TAS2R1: variants seen among roughly 807,000 people sequenced by gnomAD.
TAS2R1 encodes the protein taste 2 receptor member 1, also known as taste receptor type 2 member 1.
For missense variants in TAS2R1, 370 were observed against 353.4 expected, an observed-to-expected ratio of 1.05 and a Z score of -0.38; for synonymous variants, 141 against 134.2, an observed-to-expected ratio of 1.05 and a Z score of -0.35.
intron 1 of TAS2R1, among the ~76,000 whole-genome samples, chr5:9,680,289 G>C (rs1373825042): frequency 6.6e-6 from 1 of 152,182 alleles, no homozygotes; most frequent in Non-Finnish European, 1.5e-5. Flanking sequence ...GGGGAGAAGA[G>C]ACAGTCTTAC....
chr5:9,688,886 G>C (rs1741178938), intron 1 of TAS2R1, among the ~76,000 whole-genome samples: 1 of 152,150 alleles, frequency 6.6e-6, no homozygotes, highest in African/African-American at 2.4e-5. Flanking sequence ...AACCCCTCCT[G>C]TGTTCACAGC....
At chr5:9,737,831 T>C in the TAS2R1 span, among the ~76,000 whole-genome samples, 14 of 152,206 alleles carry the variant, frequency 9.2e-5, no homozygotes, top group African/African-American at 1.9e-4. Flanking sequence ...CTTACTTCTT[T>C]ACCAGCAAAA....
chr5:9,898,468 C>G, the TAS2R1 span, among the ~76,000 whole-genome samples: 1 of 152,202 alleles, frequency 6.6e-6, no homozygotes, highest in African/African-American at 2.4e-5. Flanking sequence ...TCCTGCTGGC[C>G]TCTAGTTATG....
At chr5:9,788,565 A>G in the TAS2R1 span, among the ~76,000 whole-genome samples, 1 of 152,210 alleles carries the variant, frequency 6.6e-6, no homozygotes, top group East Asian at 1.9e-4. Flanking sequence ...TGAGAGTAGA[A>G]GCATTTCTAC....
chr5:9,699,320 C>A (rs896495977), intron 1 of TAS2R1, among the ~76,000 whole-genome samples: 24 of 152,170 alleles, frequency 1.6e-4, no homozygotes, highest in African/African-American at 5.5e-4. Flanking sequence ...TGAGCATTCG[C>A]GAATTGAATC....
the TAS2R1 span, among the ~76,000 whole-genome samples, chr5:9,746,820 G>T: frequency 6.6e-6 from 1 of 152,062 alleles, no homozygotes; most frequent in African/African-American, 2.4e-5. Flanking sequence ...AATGTATGTG[G>T]GGCTTAAAAC....
intron 2 of TAS2R1, among the ~76,000 whole-genome samples, chr5:9,653,896 A>G (rs533817128): frequency 6.6e-6 from 1 of 152,248 alleles, no homozygotes; most frequent in Admixed American, 6.5e-5. Flanking sequence ...GTTACAAGTG[A>G]TTTCTGTGTC....
At chr5:9,763,297 G>A in the TAS2R1 span, among the ~76,000 whole-genome samples, 1 of 152,182 alleles carries the variant, frequency 6.6e-6, no homozygotes, top group Non-Finnish European at 1.5e-5. Flanking sequence ...AAGGTCAAGA[G>A]ATCGAGACCA....
At chr5:9,866,675 T>C in the TAS2R1 span, among the ~76,000 whole-genome samples, 1 of 152,238 alleles carries the variant, frequency 6.6e-6, no homozygotes, top group Non-Finnish European at 1.5e-5. Context: ...TCACAGGACT[T>C]CTCCTTAGAA....
At chr5:9,674,262 G>A (rs1356333920) in intron 1 of TAS2R1, among the ~76,000 whole-genome samples, 1 of 152,126 alleles carries the variant, frequency 6.6e-6, no homozygotes, top group African/African-American at 2.4e-5. Context: ...AGCAGTATAT[G>A]ATGATAGTAT....
Position 9,695,724 on chromosome 5 carries a change from G to A in TAS2R1, c.-242+16448C>T, listed in dbSNP as rs116185289. On this transcript the variant is annotated intron_variant, in intron 1 of 2. Coordinates refer to the TAS2R1 transcript ENST00000506620. ...AAACACTGAGAAAGTACTAGGGGAC[G>A]TCATCTTGAGACCTCAGCTAGGGTA... 5.3e-3 allele frequency among the ~76,000 whole-genome samples: 810 copies of A among 152,164 alleles called. 8 individuals are homozygous for A. Among genetic ancestry groups the A allele is most frequent in the African/African-American group, 0.019 (783 of 41,502 alleles).
the TAS2R1 span, among the ~76,000 whole-genome samples, chr5:9,770,312 ACT>A: frequency 1.3e-5 from 2 of 151,936 alleles, no homozygotes; most frequent in Admixed American, 1.3e-4. Context: ...GGTTACTATA[ACT>A]CTGCAATAAT....
At chr5:9,900,978 G>A in the TAS2R1 span, among the ~76,000 whole-genome samples, 6 of 152,258 alleles carry the variant, frequency 3.9e-5, no homozygotes, top group Middle Eastern at 3.4e-3. Flanking sequence ...TCTGAGAAGC[G>A]TGTCTCTGTT....
chr5:9,685,047 T>G (rs995665702), intron 1 of TAS2R1, among the ~76,000 whole-genome samples: 10 of 152,222 alleles, frequency 6.6e-5, no homozygotes, highest in African/African-American at 2.4e-4. Context: ...ACAGGTCCAG[T>G]CAGTATTTGT....
the TAS2R1 span, among the ~76,000 whole-genome samples, chr5:9,748,134 G>A: frequency 0.47 from 70,718 of 151,898 alleles, 16,700 homozygotes; most frequent in East Asian, 0.62. Flanking sequence ...CTAAATGCTT[G>A]ATTTTGAAAG....
intron 2 of TAS2R1, among the ~76,000 whole-genome samples, chr5:9,644,966 A>AGATT (rs1217269924): frequency 6.6e-6 from 1 of 152,168 alleles, no homozygotes; most frequent in Non-Finnish European, 1.5e-5. Context: ...ATTGGTCTGC[A>AGATT]GATTTTTATT....
intron 1 of TAS2R1, among the ~76,000 whole-genome samples, chr5:9,686,768 A>C (rs1464622949): frequency 6.6e-6 from 1 of 152,172 alleles, no homozygotes; most frequent in Admixed American, 6.5e-5. Flanking sequence ...TTTTCAAAAA[A>C]CTTAATATAG....
In TAS2R1 at chr5:9,629,360, T is replaced by C; in HGVS notation, c.673A>G (p.Ser225Gly). The change falls in exon 1 of 1, where the codon AGC becomes GGC. Residue 225 changes from serine (S) to glycine (G), a missense_variant. Ser to Gly is a moderately conservative substitution (Grantham distance 56, BLOSUM62 0). Coordinates refer to ENST00000382492, the MANE Select transcript of TAS2R1 (RefSeq NM_019599.3). Reference protein sequence around the residue: ...SRVPGRGAPISALLSILSFLI... With the variant: ...SRVPGRGAPIGALLSILSFLI... ...AAGGACAGGATAGACAGCAACGCGC[T>C]GATGGGTGCACCCCTGCCAGGAACC... 6.2e-7 allele frequency: 1 copy of C among 1,614,080 alleles called. No homozygotes were observed. Among genetic ancestry groups the C allele is most frequent in the Non-Finnish European group, 8.5e-7 (1 of 1,180,002 alleles).
At chr5:9,662,428 A>C (rs182965948) in intron 1 of TAS2R1, among the ~76,000 whole-genome samples, 1 of 152,304 alleles carries the variant, frequency 6.6e-6, no homozygotes, top group East Asian at 1.9e-4. Flanking sequence ...TATCAGAACC[A>C]AGGGGAAAAT....
Sources: allele counts gnomAD v4.1 joint callset (sites outside exome capture counted in the v4.1 genomes callset), GRCh38; gene constraint gnomAD v4.1.1; transcripts MANE v1.5; gene names NCBI Gene and HGNC (gene_info 2026-07-23, HGNC 2026-07-21).